PALD1: variants seen among roughly 807,000 people sequenced by gnomAD.
The protein encoded by PALD1 is phosphatase domain containing paladin 1, also known as paladin.
PALD1 carries 57 observed loss-of-function variants against 96.0 expected under a neutral mutation model. The ratio of observed to expected loss-of-function variants is 0.59; its 90% CI spans 0.48 to 0.74. PALD1 has a LOEUF of 0.74. Among genes scored for constraint, PALD1 ranks in the 30% least tolerant of loss-of-function variants. The pLI is 0.00. For missense variants in PALD1, 1,063 were observed against 1,143.7 expected, an observed-to-expected ratio of 0.93 and a Z score of 1.02; for synonymous variants, 464 against 473.6, an observed-to-expected ratio of 0.98 and a Z score of 0.26.
At chr10:70,482,083 G>A (rs1312727428) in intron 1 of PALD1, among the ~76,000 whole-genome samples, 1 of 152,226 alleles carries the variant, frequency 6.6e-6, no homozygotes, top group Non-Finnish European at 1.5e-5. Context: ...CCTGTGGCCA[G>A]GACTCTGCAG....
the PALD1 span, among the ~76,000 whole-genome samples, chr10:70,464,217 T>TTC: frequency 6.9e-6 from 1 of 145,600 alleles, no homozygotes; most frequent in South Asian, 2.2e-4. Flanking sequence ...TCTGGCTTTT[T>TTC]TTTTTTTTTT....
intron 10 of PALD1, among the ~76,000 whole-genome samples, chr10:70,535,587 CCTCCTTCCTT>C (rs1847097721): frequency 6.8e-6 from 1 of 146,150 alleles, no homozygotes; most frequent in East Asian, 2.0e-4. Flanking sequence ...CCTCCTTCTT[CCTCCTTCCTT>C]CTCCTTCCTC....
chr10:70,552,110 G>A (rs533906099), intron 18 of PALD1, among the ~76,000 whole-genome samples: 2 of 152,356 alleles, frequency 1.3e-5, no homozygotes, highest in Admixed American at 1.3e-4. Flanking sequence ...GCCCTGGGCG[G>A]ACACTGAGTA....
At chr10:70,516,354 G>A (rs1228422338) in intron 1 of PALD1, among the ~76,000 whole-genome samples, 1 of 152,086 alleles carries the variant, frequency 6.6e-6, no homozygotes, top group Non-Finnish European at 1.5e-5. Context: ...GGCTGGTCTT[G>A]AATTCCTGAC....
the PALD1 span, among the ~76,000 whole-genome samples, chr10:70,460,954 C>CTGAG: frequency 6.6e-6 from 1 of 152,192 alleles, no homozygotes; most frequent in African/African-American, 2.4e-5. Flanking sequence ...ACTTGGGAGG[C>CTGAG]TGAGGCAGGA....
chr10:70,489,023 C>T (rs570439845), intron 1 of PALD1, among the ~76,000 whole-genome samples: 15 of 152,270 alleles, frequency 9.9e-5, no homozygotes, highest in African/African-American at 3.1e-4. Context: ...GGGCTTCTTC[C>T]CGTCTCTCTG....
intron 1 of PALD1, among the ~76,000 whole-genome samples, chr10:70,524,953 A>G (rs570416386): frequency 7.9e-5 from 12 of 152,224 alleles, no homozygotes; most frequent in African/African-American, 2.6e-4. Context: ...GCGTTCTTCA[A>G]GTGGGGTGGG....
intron 1 of PALD1, among the ~76,000 whole-genome samples, chr10:70,501,421 G>A (rs1293051440): frequency 6.6e-6 from 1 of 152,212 alleles, no homozygotes; most frequent in Non-Finnish European, 1.5e-5. Context: ...TGCCCTGCAG[G>A]AGAGCGAGGC....
Position 70,539,669 on chromosome 10 carries a change from C to A in PALD1, c.1815C>A (p.Thr605=). The change falls in exon 15 of 20, where the codon ACC becomes ACA. Residue 605 remains threonine, a synonymous_variant. Transcript: ENST00000263563. The surrounding 1 kb of genome is among the most constrained non-coding windows in gnomAD (Gnocchi z 4.5). ...PLTYRFQTCL[T]MQEVFSQHRR... ...CCTACAGGTTCCAGACCTGCCTTAC[C>A]ATGCAGGAGGTCTTCAGCCAGCACC... 6.2e-7 allele frequency: 1 copy of A among 1,613,434 alleles called. No individual in the cohort carries two copies. Among genetic ancestry groups the A allele is most frequent in the Non-Finnish European group, 8.5e-7 (1 of 1,179,498 alleles).
intron 10 of PALD1, 26 bp from the exon 11 acceptor site, chr10:70,537,785 C>T: frequency 6.5e-7 from 1 of 1,548,472 alleles, no homozygotes; most frequent in Non-Finnish European, 8.9e-7. Flanking sequence ...AGGAGTCTGT[C>T]CTTAACACCC....
chr10:70,517,835 G>A (rs1011064475), intron 1 of PALD1, among the ~76,000 whole-genome samples: 3 of 152,016 alleles, frequency 2.0e-5, no homozygotes, highest in East Asian at 1.9e-4. Context: ...TGTTTCTCTC[G>A]GTAATAGTTT....
At chr10:70,531,949 C>G (rs903916292) in intron 5 of PALD1, among the ~76,000 whole-genome samples, 1 of 151,320 alleles carries the variant, frequency 6.6e-6, no homozygotes, top group Non-Finnish European at 1.5e-5. Context: ...CACTACTGCA[C>G]TCCAGCCTGG....
At chr10:70,563,701 G>A (rs977866853) in intron 18 of PALD1, among the ~76,000 whole-genome samples, 11 of 152,188 alleles carry the variant, frequency 7.2e-5, no homozygotes, top group Non-Finnish European at 1.3e-4. Context: ...GGGACCTTTG[G>A]GCTCAGAGGC....
At position 70,532,684 on chromosome 10, in the gene PALD1, T is replaced by TG. The variant is rs1847018510; in HGVS notation, c.703dup (p.Glu235GlyfsTer10). The stretch of plus-strand genomic sequence containing the variant: ...TGTGTACCATAACACCGAGGACCTG[T>TG]GGGGGGAGCCCCATGCTGTGGCCAT... On this transcript the variant is annotated frameshift_variant, in exon 6 of 20. Transcript: ENST00000263563. LOFTEE classifies it high-confidence loss of function. 6.2e-7 allele frequency: 1 copy of TG among 1,613,998 alleles called. No homozygotes were observed. Among genetic ancestry groups the TG allele is most frequent in the African/African-American group, 1.3e-5 (1 of 74,904 alleles).
At chr10:70,511,594 G>C (rs1846517377) in intron 1 of PALD1, among the ~76,000 whole-genome samples, 1 of 152,208 alleles carries the variant, frequency 6.6e-6, no homozygotes, top group Non-Finnish European at 1.5e-5. Flanking sequence ...AATTCTGGAG[G>C]CTGGGAGGTC....
chr10:70,561,733 C>T (rs994103168), intron 18 of PALD1, among the ~76,000 whole-genome samples: 9 of 152,250 alleles, frequency 5.9e-5, no homozygotes, highest in Non-Finnish European at 1.3e-4. Context: ...TTACCCCTCC[C>T]CTACCGCCAT....
chr10:70,566,656 C>G lies in PALD1; in HGVS notation c.2494C>G (p.Pro832Ala), dbSNP rs921536864. ...FPELESGEDQ[P>A]FSRLRYRWQE... ...CGAGCTGGAGAGCGGGGAGGACCAG[C>G]CCTTCTCCAGGCTGCGCTACCGGTG... The change falls in exon 20 of 20, where the codon CCC (proline) becomes GCC (alanine). Residue 832 changes from proline to alanine, a missense_variant. By Grantham distance (27) the Pro-to-Ala change is conservative. Transcript: ENST00000263563. The G allele has an allele frequency of 4.0e-5, 64 of 1,609,592 alleles. No individual in the cohort carries two copies. The highest frequency in any genetic ancestry group is 1.6e-4 in the Middle Eastern group (1 of 6,070).
chr10:70,515,600 G>A (rs1846604990), intron 1 of PALD1, among the ~76,000 whole-genome samples: 1 of 152,238 alleles, frequency 6.6e-6, no homozygotes, highest in African/African-American at 2.4e-5. Context: ...CAGCCATGGT[G>A]TGGGGGGATG....
chr10:70,538,925 A>G lies in PALD1; in HGVS notation c.1486A>G (p.Ser496Gly). ...EDDLVSPDAL[S>G]TVREMDVANF... ...CGATCTGGTCTCCCCGGACGCGCTCAGCACTGTCAGAGAGATGGATGTGGC... is the reference window on the plus strand; with the variant it reads ...CGATCTGGTCTCCCCGGACGCGCTCGGCACTGTCAGAGAGATGGATGTGGC... Residue 496 changes from serine to glycine, a missense_variant, in exon 13 of 20, where the codon AGC (serine) becomes GGC (glycine). Physicochemically the swap from Ser to Gly is moderately conservative, Grantham distance 56 (BLOSUM62 0). Transcript: ENST00000263563. 1 of 1,613,748 alleles carries G rather than the reference A, an allele frequency of 6.2e-7. No individual in the cohort carries two copies. The highest frequency in any genetic ancestry group is 8.5e-7 in the Non-Finnish European group (1 of 1,179,980).
Sources: gnomAD v4.1 joint callset for allele counts (sites outside exome capture counted in the v4.1 genomes callset) on GRCh38, gnomAD v4.1.1 for gene constraint, Gnocchi (gnomAD v3.1) non-coding constraint, MANE v1.5 for transcripts, NCBI Gene and HGNC (gene_info 2026-07-23, HGNC 2026-07-21) for gene names.